The following CAPN13 variants were observed in gnomAD, a reference collection of about 807,000 sequenced individuals.
CAPN13 encodes the protein calpain 13, also known as calpain-13.
In CAPN13, 90 loss-of-function variants were observed where a neutral mutation model predicts 98.4. The ratio of observed to expected loss-of-function variants is 0.92; its 90% CI spans 0.77 to 1.09. The LOEUF is 1.09. CAPN13 is among the 50% of genes least tolerant of loss of function. CAPN13 has a pLI of 0.00. For missense variants in CAPN13, 887 were observed against 841.3 expected (o/e 1.05, Z -0.67); for synonymous variants, 330 against 305.5 (o/e 1.08, Z -0.84).
chr2:30,805,070 T>C (rs905332159), intron 1 of CAPN13, among the ~76,000 whole-genome samples: 1 of 152,172 alleles, frequency 6.6e-6, no homozygotes, highest in Non-Finnish European at 1.5e-5. Flanking sequence ...TGGACTCAGA[T>C]GAGGTGCCAA....
At chr2:30,757,613 C>T (rs578228987) in intron 8 of CAPN13, among the ~76,000 whole-genome samples, 1 of 152,222 alleles carries the variant, frequency 6.6e-6, no homozygotes, top group Non-Finnish European at 1.5e-5. Flanking sequence ...ATGTGACATG[C>T]TCAGGATCAG....
intron 1 of CAPN13, among the ~76,000 whole-genome samples, chr2:30,803,545 G>T (rs1386570876): frequency 6.6e-6 from 1 of 152,138 alleles, no homozygotes; most frequent in Non-Finnish European, 1.5e-5. Context: ...AATTTTAAAG[G>T]TCCCTTGGGA....
rs1327106088 is a variant in CAPN13, at chr2:30,738,295, TGAGGA to T, written c.1595-7_1595-3del. The T allele has an allele frequency of 1.4e-5, 23 of 1,613,754 alleles. No individual in the cohort carries two copies. Among genetic ancestry groups the T allele is most frequent in the Non-Finnish European group, 1.9e-5 (23 of 1,179,832 alleles). ...AGGAGAACATGTCCCCTGGAGGTCC[TGAGGA>T]GAGAAGGACAGGAAGGACTGAAGTG... On this transcript the variant is annotated splice_polypyrimidine_tract_variant and splice_region_variant and intron_variant, in intron 16 of 22. Coordinates refer to ENST00000295055, the MANE Select transcript of CAPN13 (RefSeq NM_144575.3).
chr2:30,730,886 A>G, intron 21 of CAPN13, 100 bp from the exon 22 acceptor site: 1 of 756,414 alleles, frequency 1.3e-6, no homozygotes. Context: ...ACCTCAGTCC[A>G]GTCTCATCAC....
At chr2:30,749,740 G>A (rs1672081452) in intron 11 of CAPN13, among the ~76,000 whole-genome samples, 1 of 130,534 alleles carries the variant, frequency 7.7e-6, no homozygotes, top group Non-Finnish European at 1.6e-5. Context: ...ACTCTATTAT[G>A]AGGAGAGAGG....
chr2:30,784,923 G>A (rs1674186406), intron 2 of CAPN13, among the ~76,000 whole-genome samples: 4 of 152,190 alleles, frequency 2.6e-5, no homozygotes, highest in Admixed American at 1.3e-4. Flanking sequence ...TACTAGGATT[G>A]GGCCAGGCTG....
At chr2:30,736,622 C>T in intron 17 of CAPN13, 51 bp from the exon 18 acceptor site, 1 of 1,535,002 alleles carries the variant, frequency 6.5e-7, no homozygotes, top group South Asian at 1.1e-5. Flanking sequence ...TGCAGAGGGG[C>T]TGCCATCCTG....
intron 1 of CAPN13, among the ~76,000 whole-genome samples, chr2:30,801,171 C>T (rs6740888): frequency 0.03 from 4,557 of 152,200 alleles, 244 homozygotes; most frequent in African/African-American, 0.1. Flanking sequence ...AGGCTTGAAC[C>T]GCAGAAGGCT....
chr2:30,781,335 C>T (rs756064650), intron 2 of CAPN13, among the ~76,000 whole-genome samples: 1 of 152,172 alleles, frequency 6.6e-6, no homozygotes, highest in Non-Finnish European at 1.5e-5. Flanking sequence ...CCTTTGAGGG[C>T]TCTGAAACAT....
rs756549997 is a variant in CAPN13, at chr2:30,764,283, A to C, written c.548T>G (p.Leu183Arg). ...GGCATCCTCGAGGAAGCCATAGTGCAGATCGGAATAGGATCCGAGCAGCCT... is the reference window on the plus strand; with the variant it reads ...GGCATCCTCGAGGAAGCCATAGTGCCGATCGGAATAGGATCCGAGCAGCCT... Reference protein sequence around the residue: ...YAKLLGSYSDLHYGFLEDALV... With the variant: ...YAKLLGSYSDRHYGFLEDALV... The change falls in exon 6 of 23, where the codon CTG (leucine) becomes CGG (arginine). Residue 183 changes from leucine to arginine, a missense_variant. By Grantham distance (102) the Leu-to-Arg change is moderately radical. Transcript: ENST00000295055. The C allele has an allele frequency of 2.5e-5, 40 of 1,613,744 alleles. No homozygotes were observed. In the East Asian group the frequency reaches 8.7e-4, roughly 35 times the overall value.
intron 6 of CAPN13, among the ~76,000 whole-genome samples, chr2:30,763,832 G>A (rs1450371646): frequency 3.9e-5 from 6 of 152,248 alleles, no homozygotes; most frequent in African/African-American, 1.4e-4. Flanking sequence ...GTAGCAGTAG[G>A]TCCAGGCTCT....
At position 30,743,537 on chromosome 2, in the gene CAPN13, T is replaced by C. The variant is rs1333546552; in HGVS notation, c.1291A>G (p.Arg431Gly). 1.2e-6 allele frequency: 2 copies of C among 1,613,994 alleles called. No homozygotes were observed. The highest frequency in any genetic ancestry group is 8.5e-7 in the Non-Finnish European group (1 of 1,179,878). ...TTATTTGAGCTTTGGACAGTGTTTCTGAACGAGGAAAAAAACACGGGTGGA... is the reference window on the plus strand; with the variant it reads ...TTATTTGAGCTTTGGACAGTGTTTCCGAACGAGGAAAAAAACACGGGTGGA... ...KFPPVFFSSFRNTVQSSNNKF... is the reference protein window; with the variant it reads ...KFPPVFFSSFGNTVQSSNNKF... Residue 431 changes from arginine (R) to glycine (G), a missense_variant, in exon 13 of 23, where the codon AGA becomes GGA. Coordinates refer to ENST00000295055, the MANE Select transcript of CAPN13 (RefSeq NM_144575.3).
intron 1 of CAPN13, among the ~76,000 whole-genome samples, chr2:30,804,711 A>C (rs1675501195): frequency 6.6e-6 from 1 of 152,116 alleles, no homozygotes; most frequent in South Asian, 2.1e-4. Flanking sequence ...TTCTGCTCCC[A>C]TCTTTTGCAT....
At chr2:30,752,587 A>G (rs1672228763) in intron 10 of CAPN13, among the ~76,000 whole-genome samples, 2 of 152,136 alleles carry the variant, frequency 1.3e-5, no homozygotes, top group Non-Finnish European at 2.9e-5. Context: ...TCAAGGACAG[A>G]CAAGTATGAC....
At chr2:30,798,410 T>G (rs1350404654) in intron 1 of CAPN13, among the ~76,000 whole-genome samples, 1 of 152,040 alleles carries the variant, frequency 6.6e-6, no homozygotes, top group African/African-American at 2.4e-5. Flanking sequence ...CCTACTGAGC[T>G]CTCTCTCTGC....
rs541022727 is a variant in CAPN13, at chr2:30,739,537, C to T, written c.1537-1080G>A. On this transcript the variant is annotated intron_variant, in intron 15 of 22. Transcript: ENST00000295055. ...GATGGTCCTCGGGTCATTTCACCAACATTTCACTCTGGGTTTTATCAGGAA... is the reference window on the plus strand; with the variant it reads ...GATGGTCCTCGGGTCATTTCACCAATATTTCACTCTGGGTTTTATCAGGAA... 3.3e-5 allele frequency among the ~76,000 whole-genome samples: 5 copies of T among 152,246 alleles called. No homozygotes were observed. The East Asian group carries it at 9.7e-4, about 29-fold the overall frequency.
At chr2:30,745,384 A>C in intron 12 of CAPN13, 1 of 522,604 alleles carries the variant, frequency 1.9e-6, no homozygotes, top group Non-Finnish European at 3.8e-6. Flanking sequence ...AGGAGGCTAA[A>C]GATCTTTCCA....
At chr2:30,754,174 A>C in intron 9 of CAPN13, 116 bp downstream of exon 9, 1 of 758,218 alleles carries the variant, frequency 1.3e-6, no homozygotes, top group Non-Finnish European at 2.0e-6. Flanking sequence ...GGCTCCCTCT[A>C]AACAGGTCTC....
intron 7 of CAPN13, among the ~76,000 whole-genome samples, chr2:30,760,284 A>T (rs552167310): frequency 6.6e-6 from 1 of 152,116 alleles, no homozygotes; most frequent in Non-Finnish European, 1.5e-5. Flanking sequence ...ACGGGGTTTC[A>T]CCGTGTTAGC....
Sources: allele counts gnomAD v4.1 joint callset (sites outside exome capture counted in the v4.1 genomes callset), GRCh38; gene constraint gnomAD v4.1.1; transcripts MANE v1.5; gene names NCBI Gene and HGNC (gene_info 2026-07-23, HGNC 2026-07-21).